Variants in NISCH observed in about 807,000 individuals in gnomAD.
NISCH encodes I-1 receptor candidate protein.
A neutral mutation model predicts 138.4 loss-of-function variants in NISCH; 55 were observed. That is an observed-to-expected ratio of 0.40 (90% confidence interval 0.32 to 0.50). The LOEUF is 0.50. Ranked by LOEUF, NISCH falls within the 20% of genes least tolerant of loss-of-function variation. The pLI is 0.71. For synonymous variants in NISCH, 860 were observed against 861.5 expected, an observed-to-expected ratio of 1.00 and a Z score of 0.03; for missense variants, 1,643 against 2,005.5, an observed-to-expected ratio of 0.82 and a Z score of 3.45.
chr3:52,479,308 G>T (rs1292571235), intron 11 of NISCH, among the ~76,000 whole-genome samples: 1 of 152,064 alleles, frequency 6.6e-6, no homozygotes, highest in African/African-American at 2.4e-5. Context: ...TGCAGGCGGG[G>T]GCCCTGCCCT....
At chr3:52,476,417 GT>G in intron 7 of NISCH, 29 bp from the exon 8 acceptor site, 1 of 1,611,254 alleles carries the variant, frequency 6.2e-7, no homozygotes, top group South Asian at 1.1e-5. Context: ...GGGCCCGAGT[GT>G]GGTGCTCCAC....
intron 17 of NISCH, 140 bp downstream of exon 17, chr3:52,489,818 C>G (rs1707513973): frequency 7.1e-7 from 1 of 1,416,240 alleles, no homozygotes; most frequent in East Asian, 2.5e-5. Flanking sequence ...CTTTGAGGAC[C>G]TGGGCAGTGA....
At chr3:52,484,462 T>TCCCCCCCCC in intron 13 of NISCH, 51 bp from the exon 14 acceptor site, 5 of 788,670 alleles carry the variant, frequency 6.3e-6, no homozygotes, top group South Asian at 4.2e-5. Flanking sequence ...ACAGCCGCTC[T>TCCCCCCCCC]CCCCGCCCCA....
chr3:52,473,742 C>T lies in NISCH; in HGVS notation c.678C>T (p.His226=), dbSNP rs774736200. 6 of 1,595,964 alleles carry T rather than the reference C, an allele frequency of 3.8e-6. No homozygotes were observed. The highest frequency in any genetic ancestry group is 4.3e-6 in the Non-Finnish European group (5 of 1,165,274). ...GCTGTTCTTTGTTCCAGATAAGTCA[C>T]TGTGATGCTAAGCACATCAGAGGGC... ...FKSLHQVEIS[H]CDAKHIRGLV... is the part of the protein sequence containing the mutation. The change falls in exon 7 of 21, where the codon CAC becomes CAT. Residue 226 remains histidine, a synonymous_variant. Coordinates refer to ENST00000345716, the MANE Select transcript of NISCH (RefSeq NM_007184.4).
In NISCH at chr3:52,470,903, G is replaced by A; in HGVS notation, c.405G>A (p.Glu135=). ...CGGCACTGGCTGAAGAGCTCTTTGA[G>A]AAAGGTATGTGGCCACATGTCCCTG... ...ITAALAEELF[E]KGEQLLGAGE... is the part of the protein sequence containing the mutation. The change falls in exon 4 of 21, where the codon GAG becomes GAA. Residue 135 remains glutamate, a synonymous_variant. Transcript: ENST00000345716. 1.9e-6 allele frequency: 3 copies of A among 1,614,110 alleles called. No homozygotes were observed. Among genetic ancestry groups the A allele is most frequent in the Non-Finnish European group, 2.5e-6 (3 of 1,180,006 alleles).
At chr3:52,464,159 AGGC>A (rs2153230844) in intron 3 of NISCH, among the ~76,000 whole-genome samples, 2 of 151,852 alleles carry the variant, frequency 1.3e-5, no homozygotes, top group East Asian at 3.9e-4. Context: ...GCACTTTGGA[AGGC>A]TGAGGTGGGC....
intron 16 of NISCH, among the ~76,000 whole-genome samples, chr3:52,488,832 A>T (rs1476267960): frequency 6.6e-6 from 1 of 151,344 alleles, no homozygotes; most frequent in African/African-American, 2.4e-5. Flanking sequence ...CTGTCCTCTC[A>T]CAAAATGGGT....
intron 13 of NISCH, 173 bp downstream of exon 13, chr3:52,480,468 C>A (rs1370249831): frequency 6.5e-7 from 1 of 1,534,250 alleles, no homozygotes; most frequent in Non-Finnish European, 8.7e-7. Flanking sequence ...GCAGGGGTGC[C>A]TGGCCTGATG....
At chr3:52,470,515 C>T (rs898019659) in intron 3 of NISCH, 5 of 301,932 alleles carry the variant, frequency 1.7e-5, no homozygotes, top group Non-Finnish European at 1.8e-5. Flanking sequence ...TAGGAACACC[C>T]AGAGCCAGTT....
In NISCH at chr3:52,455,754, AC is replaced by A; in HGVS notation, c.93+23del. ...TATACGGTGTGTTGGGGGCGCGGGC[AC>A]CCGAAGCGGGGGTGGTGGCTGGAAC... On this transcript the variant is annotated intron_variant, in intron 1 of 20. Transcript: ENST00000345716. 3 of 1,336,412 alleles carry A rather than the reference AC, an allele frequency of 2.2e-6. No homozygotes were observed. Among genetic ancestry groups the A allele is most frequent in the Non-Finnish European group, 2.9e-6 (3 of 1,033,158 alleles). 82.8% of individuals were successfully genotyped at this position (1,336,412 alleles called of 1,614,324 possible). A position where few individuals can be genotyped will look rare whatever the true frequency, so the allele number is the denominator to read the frequency against.
intron 13 of NISCH, 50 bp from the exon 14 acceptor site, chr3:52,484,463 C>CA (rs1559639495): frequency 4.8e-5 from 14 of 289,544 alleles, no homozygotes; most frequent in South Asian, 8.2e-5. Flanking sequence ...CAGCCGCTCT[C>CA]CCCGCCCCAC....
intron 16 of NISCH, 75 bp from the exon 17 acceptor site, chr3:52,489,261 A>G (rs1707495516): frequency 1.3e-6 from 2 of 1,522,746 alleles, no homozygotes; most frequent in Admixed American, 1.9e-5. Flanking sequence ...CAGTCTCCTC[A>G]CTCTGAAGCT....
intron 13 of NISCH, among the ~76,000 whole-genome samples, chr3:52,483,535 C>T (rs1021478444): frequency 1.3e-5 from 2 of 152,206 alleles, no homozygotes; most frequent in Admixed American, 6.5e-5. Flanking sequence ...ACAGCTTCAG[C>T]GGGGTTTAGG....
intron 8 of NISCH, among the ~76,000 whole-genome samples, chr3:52,476,955 A>T (rs1225293477): frequency 6.6e-6 from 1 of 152,112 alleles, no homozygotes; most frequent in Admixed American, 6.5e-5. Flanking sequence ...GAATCGCTTG[A>T]ACCCGGGAGG....
rs745706264 is a variant in NISCH at position 52,478,238 on chromosome 3, T to C, written c.1129T>C (p.Tyr377His). The C allele has an allele frequency of 6.2e-7, 1 of 1,614,152 alleles. No individual in the cohort carries two copies. The highest frequency in any genetic ancestry group is 1.7e-5 in the Admixed American group (1 of 60,022). The change falls in exon 10 of 21, where the codon TAC (tyrosine) becomes CAC (histidine). Residue 377 changes from tyrosine to histidine, a missense_variant. Coordinates refer to ENST00000345716, the MANE Select transcript of NISCH (RefSeq NM_007184.4). ...GAGTCTGAGTGGCCTGCACAAGCTC[T>C]ACTCACTGGTCAACCTGGATCTCCG... Reference protein sequence around the residue: ...LESLSGLHKLYSLVNLDLRDN... With the variant: ...LESLSGLHKLHSLVNLDLRDN...
chr3:52,469,299 G>A (rs781437792), intron 3 of NISCH, among the ~76,000 whole-genome samples: 5 of 152,174 alleles, frequency 3.3e-5, no homozygotes, highest in Non-Finnish European at 7.3e-5. Context: ...AGGGCCTTGG[G>A]GGCACTGCCA....
At position 52,489,360 on chromosome 3, in the gene NISCH, C is replaced by T. The variant is rs1266495422; in HGVS notation, c.3138C>T (p.Val1046=). The change falls in exon 17 of 21, where the codon GTC becomes GTT. Residue 1046 remains valine, a synonymous_variant. Coordinates refer to ENST00000345716, the MANE Select transcript of NISCH (RefSeq NM_007184.4). ...GCAATGACCAGCGTCCCCAGGAGGT[C>T]CCAGCAGAGGCTCTGGCCCCGGCCC... ...RASNDQRPQE[V]PAEALAPAPA... 1.2e-6 allele frequency: 2 copies of T among 1,611,772 alleles called. No individual in the cohort carries two copies.
At chr3:52,464,517 CTTTTTTTTTTTTT>C (rs71084185) in intron 3 of NISCH, among the ~76,000 whole-genome samples, 1 of 75,820 alleles carries the variant, frequency 1.3e-5, no homozygotes, top group Non-Finnish European at 2.3e-5. Context: ...TGTGAGTTGT[CTTTTTTTTTTTTT>C]TTTTTTTTTT....
chr3:52,474,314 T>C (rs1371445513), intron 7 of NISCH, among the ~76,000 whole-genome samples: 1 of 151,872 alleles, frequency 6.6e-6, no homozygotes, highest in Non-Finnish European at 1.5e-5. Flanking sequence ...TGTTGTTTTT[T>C]GAGACAGAGT....
Sources: gnomAD v4.1 joint callset for allele counts (sites outside exome capture counted in the v4.1 genomes callset) on GRCh38, gnomAD v4.1.1 for gene constraint, MANE v1.5 for transcripts, NCBI Gene and HGNC (gene_info 2026-07-23, HGNC 2026-07-21) for gene names.